The following GRIN2B variants were observed in gnomAD, a reference collection of about 807,000 sequenced individuals.
GRIN2B encodes the protein glutamate ionotropic receptor NMDA type subunit 2B, also known as glutamate receptor ionotropic, NMDA 2B.
Under a neutral mutation model 114.5 loss-of-function variants are expected in GRIN2B, and 5 were observed. The observed-to-expected ratio is 0.04, with a 90% CI of 0.02 to 0.09. GRIN2B has a LOEUF of 0.09. Ranked by LOEUF, GRIN2B falls within the 10% of genes least tolerant of loss-of-function variation. The pLI is 1.00. For synonymous variants in GRIN2B, 787 were observed against 745.1 expected (o/e 1.06, Z -0.92); for missense variants, 1,108 against 1,943.5 (o/e 0.57, Z 8.08).
intron 3 of GRIN2B, among the ~76,000 whole-genome samples, chr12:13,853,815 T>C (rs1038523127): frequency 1.3e-5 from 2 of 152,206 alleles, no homozygotes; most frequent in African/African-American, 4.8e-5. Flanking sequence ...ACTTTTCTCT[T>C]AATTGCAACT....
At chr12:13,754,866 A>G (rs145162872) in intron 3 of GRIN2B, among the ~76,000 whole-genome samples, 1 of 152,138 alleles carries the variant, frequency 6.6e-6, no homozygotes, top group Non-Finnish European at 1.5e-5. Context: ...TTCCAGGGAG[A>G]AGCCATTTTA....
At chr12:13,703,057 G>T (rs1455702813) in intron 4 of GRIN2B, among the ~76,000 whole-genome samples, 1 of 152,134 alleles carries the variant, frequency 6.6e-6, no homozygotes, top group Non-Finnish European at 1.5e-5. Flanking sequence ...TTGTGCAAAG[G>T]TGCCATGTGG....
chr12:13,970,372 C>T (rs1411692836), intron 2 of GRIN2B, among the ~76,000 whole-genome samples: 1 of 152,166 alleles, frequency 6.6e-6, no homozygotes, highest in Non-Finnish European at 1.5e-5. Flanking sequence ...ATACTTTCGT[C>T]TGTTCCACTC....
chr12:13,542,516 C>G lies in GRIN2B; in HGVS notation c.*20267G>C, dbSNP rs1948291280. 1 of 152,138 alleles carries G rather than the reference C, an allele frequency of 6.6e-6. No individual in the cohort carries two copies. Among genetic ancestry groups the G allele is most frequent in the Non-Finnish European group, 1.5e-5 (1 of 68,040 alleles). The allele number at this position is 152,138 out of a possible 1,614,324, so 9.4% of individuals were successfully genotyped here. ...AAATATCAGGACTGAGGAAGAGGTA[C>G]CAGAGTTCCATGTGCTGCCATCAAG... is the stretch of plus-strand genomic sequence containing the variant. On this transcript the variant is annotated 3_prime_UTR_variant, in exon 14 of 14. Transcript: ENST00000609686.
At chr12:13,674,909 C>T (rs1950057432) in intron 5 of GRIN2B, among the ~76,000 whole-genome samples, 1 of 152,064 alleles carries the variant, frequency 6.6e-6, no homozygotes, top group South Asian at 2.1e-4. Flanking sequence ...GTAGCATCTC[C>T]CAACCTTATG....
At chr12:13,701,529 A>G (rs1415148595) in intron 4 of GRIN2B, among the ~76,000 whole-genome samples, 2 of 145,492 alleles carry the variant, frequency 1.4e-5, no homozygotes, top group African/African-American at 2.5e-5. Context: ...AAAAAAAAAA[A>G]GAAAAAAAAA....
At chr12:13,823,721 T>C (rs554947318) in intron 3 of GRIN2B, among the ~76,000 whole-genome samples, 14 of 152,158 alleles carry the variant, frequency 9.2e-5, no homozygotes, top group Non-Finnish European at 1.9e-4. Flanking sequence ...CAAACATCCT[T>C]GCCTTTTCCC....
At chr12:13,821,832 T>C (rs1864943957) in intron 3 of GRIN2B, among the ~76,000 whole-genome samples, 1 of 152,194 alleles carries the variant, frequency 6.6e-6, no homozygotes, top group Non-Finnish European at 1.5e-5. Flanking sequence ...CAGAAGTTCT[T>C]TTACCAACCA....
Position 13,564,268 on chromosome 12 carries a change from C to T in GRIN2B, c.2970G>A (p.Arg990=), listed in dbSNP as rs1948603619. The T allele has an allele frequency of 2.5e-6, 4 of 1,614,094 alleles. No individual in the cohort carries two copies. Among genetic ancestry groups the T allele is most frequent in the Non-Finnish European group, 3.4e-6 (4 of 1,180,024 alleles). Residue 990 remains arginine, a synonymous_variant, in exon 14 of 14, where the codon CGG becomes CGA. Coordinates refer to ENST00000609686, the MANE Select transcript of GRIN2B (RefSeq NM_000834.5). The surrounding 1 kb of genome is among the most constrained non-coding windows in gnomAD (Gnocchi z 4.8). ...VYQDHYHHHH[R]PHSIGSASSI... ...AGCTGGCACTGCCAATACTATGGGG[C>T]CGGTGGTGATGGTGGTAGTGATCTT...
Position 13,616,446 on chromosome 12 carries a change from A to T in GRIN2B, c.1328+9T>A. The T allele has an allele frequency of 6.2e-7, 1 of 1,603,676 alleles. No homozygotes were observed. Among genetic ancestry groups the T allele is most frequent in the South Asian group, 1.1e-5 (1 of 90,834 alleles). ...CATGCCACCCAAAGTCATTGAGAGG[A>T]TGCCATACTCAGTGACTATGCGTTT... On this transcript the variant is annotated intron_variant, in intron 6 of 13. Coordinates refer to ENST00000609686, the MANE Select transcript of GRIN2B (RefSeq NM_000834.5).
At chr12:13,712,616 A>G (rs560154763) in intron 4 of GRIN2B, among the ~76,000 whole-genome samples, 87 of 151,818 alleles carry the variant, frequency 5.7e-4, no homozygotes, top group African/African-American at 2.0e-3. Flanking sequence ...AGCTCACTGA[A>G]TAGGCACCTA....
chr12:13,781,550 CATTTA>C (rs1864114088), intron 3 of GRIN2B, among the ~76,000 whole-genome samples: 1 of 152,110 alleles, frequency 6.6e-6, no homozygotes, highest in African/African-American at 2.4e-5. Context: ...TCTAAAAAAT[CATTTA>C]ATTTGAAAGC....
intron 4 of GRIN2B, among the ~76,000 whole-genome samples, chr12:13,750,165 A>G (rs943082509): frequency 2.6e-5 from 4 of 152,128 alleles, no homozygotes; most frequent in Non-Finnish European, 5.9e-5. Context: ...TCTGCTCTAC[A>G]CTGGTGCCTG....
At chr12:13,725,715 CT>C (rs1228246843) in intron 4 of GRIN2B, among the ~76,000 whole-genome samples, 1 of 152,122 alleles carries the variant, frequency 6.6e-6, no homozygotes, top group Non-Finnish European at 1.5e-5. Flanking sequence ...CATTTTCCCT[CT>C]GCTTAACAAG....
chr12:13,886,885 G>A (rs1035589001), intron 2 of GRIN2B, among the ~76,000 whole-genome samples: 3 of 152,174 alleles, frequency 2.0e-5, no homozygotes, highest in Non-Finnish European at 4.4e-5. Context: ...CACTCCAAGT[G>A]CTTTATATAT....
At chr12:13,594,378 C>G (rs1024094868) in intron 10 of GRIN2B, among the ~76,000 whole-genome samples, 3 of 152,040 alleles carry the variant, frequency 2.0e-5, no homozygotes, top group Non-Finnish European at 2.9e-5. Flanking sequence ...TTTGCAGGGA[C>G]ATGGAAGAAG....
intron 10 of GRIN2B, among the ~76,000 whole-genome samples, chr12:13,601,108 A>G (rs748016611): frequency 6.6e-6 from 1 of 152,230 alleles, no homozygotes; most frequent in Non-Finnish European, 1.5e-5. Context: ...TAAAGGATGC[A>G]ATGAGCTCAA....
intron 5 of GRIN2B, among the ~76,000 whole-genome samples, chr12:13,671,919 A>C (rs1206952517): frequency 6.6e-6 from 1 of 152,136 alleles, no homozygotes; most frequent in African/African-American, 2.4e-5. Context: ...CAAGTAAGCA[A>C]AACGCCAGAT....
In GRIN2B at chr12:13,807,876, C is replaced by T. The variant is rs144494592; in HGVS notation, c.412-53961G>A. Among the ~76,000 whole-genome samples the T allele has an allele frequency of 1.6e-3, 244 of 152,122 alleles. 2 individuals are homozygous for T. Among genetic ancestry groups the T allele is most frequent in the African/African-American group, 5.3e-3 (222 of 41,504 alleles). ...AGAATCAGGAACCTTAACCAACCCA[C>T]CCAGCTTAGGATGGCTCCTCTGAAG... On this transcript the variant is annotated intron_variant, in intron 3 of 13. Coordinates refer to ENST00000609686, the MANE Select transcript of GRIN2B (RefSeq NM_000834.5).
Sources: allele counts gnomAD v4.1 joint callset (sites outside exome capture counted in the v4.1 genomes callset), GRCh38; gene constraint gnomAD v4.1.1; non-coding constraint Gnocchi (gnomAD v3.1); transcripts MANE v1.5; gene names NCBI Gene and HGNC (gene_info 2026-07-23, HGNC 2026-07-21).